Variants in TCTN2 observed in about 807,000 individuals in gnomAD.
The protein encoded by TCTN2 is tectonic-2.
TCTN2 carries 66 observed loss-of-function variants against 83.4 expected under a neutral mutation model. The ratio of observed to expected loss-of-function variants is 0.79; its 90% CI spans 0.65 to 0.97. The LOEUF is 0.97. TCTN2 is among the 50% of genes least tolerant of loss of function. TCTN2 has a pLI of 0.00. For synonymous variants in TCTN2, 301 were observed against 326.7 expected (o/e 0.92, Z 0.85); for missense variants, 794 against 858.1 (o/e 0.93, Z 0.93).
intron 9 of TCTN2, among the ~76,000 whole-genome samples, chr12:123,693,440 G>A (rs959936689): frequency 1.5e-4 from 18 of 117,334 alleles, no homozygotes; most frequent in African/African-American, 6.2e-4. Context: ...AATAAGTTAC[G>A]TAGAGTTTGG....
chr12:123,696,654 C>G (rs777103993), intron 12 of TCTN2, 159 bp downstream of exon 12: 8 of 715,912 alleles, frequency 1.1e-5, no homozygotes, highest in Non-Finnish European at 2.0e-5. Context: ...ATGGTTTTTC[C>G]TGCTTCTACA....
chr12:123,674,864 A>G (rs7133543), intron 4 of TCTN2, among the ~76,000 whole-genome samples: 54,332 of 151,882 alleles, frequency 0.36, 10,198 homozygotes, highest in African/African-American at 0.41. Flanking sequence ...TTTTTTTAAA[A>G]TTTATTTTTA....
At position 123,686,936 on chromosome 12, in the gene TCTN2, G is replaced by A. The variant is rs1197624849; in HGVS notation, c.665G>A (p.Gly222Glu). 2 of 1,614,058 alleles carry A rather than the reference G, an allele frequency of 1.2e-6. No individual in the cohort carries two copies. ...CCTTTTGATCAGCTCTGCTCTGCTG[G>A]GACGACGACACGTGGTGTCCCCGAT... ...NPPFDQLCSA[G>E]TTTRGVPDWF... The change falls in exon 6 of 18, where the codon GGG (glycine) becomes GAG (glutamate). Residue 222 changes from glycine (G) to glutamate (E), a missense_variant. Gly to Glu is a moderately conservative substitution (Grantham distance 98). Coordinates refer to ENST00000303372, the MANE Select transcript of TCTN2 (RefSeq NM_024809.5).
intron 1 of TCTN2, 43 bp downstream of exon 1, chr12:123,671,365 G>T: frequency 6.2e-7 from 1 of 1,607,576 alleles, no homozygotes; most frequent in South Asian, 1.1e-5. Context: ...CGGGGCTGAG[G>T]GGACTGGGCG....
At chr12:123,679,460 C>G (rs530283070) in intron 5 of TCTN2, among the ~76,000 whole-genome samples, 171 bp downstream of exon 5, 5 of 152,238 alleles carry the variant, frequency 3.3e-5, no homozygotes, top group Admixed American at 3.3e-4. Context: ...CTCCCGGGCT[C>G]AAGTGATTCT....
At chr12:123,677,653 T>C (rs1430423477) in intron 4 of TCTN2, among the ~76,000 whole-genome samples, 1 of 152,154 alleles carries the variant, frequency 6.6e-6, no homozygotes, top group East Asian at 1.9e-4. Context: ...CTTTTTAGCA[T>C]TTCTCCTGAG....
At position 123,707,941 on chromosome 12, in the gene TCTN2, C is replaced by T. The variant is rs1956251317; in HGVS notation, c.*228C>T. On this transcript the variant is annotated 3_prime_UTR_variant, in exon 18 of 18. Transcript: ENST00000303372. Reference sequence around the variant, plus strand: ...GCCAGGCTGCTCTCGAACTCCTGACCTCATGATCCGCCCATCTTGGCCTCC... The same window carrying T: ...GCCAGGCTGCTCTCGAACTCCTGACTTCATGATCCGCCCATCTTGGCCTCC... 1.9e-6 allele frequency: 1 copy of T among 536,148 alleles called. No homozygotes were observed. Among genetic ancestry groups the T allele is most frequent in the African/African-American group, 1.9e-5 (1 of 52,058 alleles). 33.2% of individuals were successfully genotyped at this position (536,148 alleles called of 1,614,324 possible). A position where few individuals can be genotyped will look rare whatever the true frequency, so the allele number is the denominator to read the frequency against.
chr12:123,691,354 G>A (rs1241356276), intron 8 of TCTN2, among the ~76,000 whole-genome samples: 3 of 152,210 alleles, frequency 2.0e-5, no homozygotes, highest in South Asian at 2.1e-4. Flanking sequence ...TTCTGTCTCC[G>A]TGGATTGCTT....
Position 123,704,662 on chromosome 12 carries a change from G to T in TCTN2, c.1743G>T (p.Gln581His), listed in dbSNP as rs761488428. 2.5e-6 allele frequency: 4 copies of T among 1,613,486 alleles called. No individual in the cohort carries two copies. The Admixed American group carries it at 6.7e-5, about 27-fold the overall frequency. Residue 581 changes from glutamine to histidine, a missense_variant, in exon 15 of 18, where the codon CAG becomes CAT. Physicochemically the swap from Gln to His is conservative, Grantham distance 24 (BLOSUM62 0). Coordinates refer to ENST00000303372, the MANE Select transcript of TCTN2 (RefSeq NM_024809.5). Reference sequence around the variant, plus strand: ...CTGGCGCGGTGGAAGGGATTACTCAGCAGGAGATACTCGGTGTAGAGACAA... The same window carrying T: ...CTGGCGCGGTGGAAGGGATTACTCATCAGGAGATACTCGGTGTAGAGACAA... ...SDAGAVEGITQQEILGVETRF... is the reference protein window; with the variant it reads ...SDAGAVEGITHQEILGVETRF...
chr12:123,682,927 C>T (rs1955917075), intron 5 of TCTN2, among the ~76,000 whole-genome samples: 1 of 152,056 alleles, frequency 6.6e-6, no homozygotes, highest in African/African-American at 2.4e-5. Flanking sequence ...GCGAAATACA[C>T]ATTTAAAATT....
At chr12:123,701,806 AG>A (rs1368799807) in intron 14 of TCTN2, among the ~76,000 whole-genome samples, 1 of 152,180 alleles carries the variant, frequency 6.6e-6, no homozygotes, top group Non-Finnish European at 1.5e-5. Flanking sequence ...CCAGATAGAA[AG>A]ACTTGACAGC....
Position 123,690,574 on chromosome 12 carries a change from ATTTC to A in TCTN2, c.936_939del (p.Leu313ThrfsTer25). 1 of 1,614,224 alleles carries A rather than the reference ATTTC, an allele frequency of 6.2e-7. No individual in the cohort carries two copies. Among genetic ancestry groups the A allele is most frequent in the Non-Finnish European group, 8.5e-7 (1 of 1,180,038 alleles). On this transcript the variant is annotated frameshift_variant, in exon 8 of 18. Coordinates refer to ENST00000303372, the MANE Select transcript of TCTN2 (RefSeq NM_024809.5). LOFTEE classifies it high-confidence loss of function. ...AGTGTATGCAGAACGCCCCAGTGGCATTTCTTCACAATTTTGATGTTAAATGCGT... is the reference window on the plus strand; with the variant it reads ...AGTGTATGCAGAACGCCCCAGTGGCATTCACAATTTTGATGTTAAATGCGT...
In TCTN2 at chr12:123,692,713, C is replaced by G. The variant is rs1195652671; in HGVS notation, c.1089C>G (p.Ile363Met). The G allele has an allele frequency of 6.2e-7, 1 of 1,612,448 alleles. No homozygotes were observed. Among genetic ancestry groups the G allele is most frequent in the Non-Finnish European group, 8.5e-7 (1 of 1,178,532 alleles). Residue 363 changes from isoleucine to methionine, a missense_variant, in exon 9 of 18, where the codon ATC (isoleucine) becomes ATG (methionine). Ile to Met is a conservative substitution (Grantham distance 10, BLOSUM62 1). Coordinates refer to ENST00000303372, the MANE Select transcript of TCTN2 (RefSeq NM_024809.5). ...YEEATDLDKF[I>M]TNTETPLNNG... The stretch of plus-strand genomic sequence containing the variant: ...AAGCAACTGACCTAGACAAATTCAT[C>G]ACCAATACAGGTATTTAATGTTACA...
chr12:123,678,011 C>T (rs936905005), intron 4 of TCTN2, among the ~76,000 whole-genome samples: 9 of 152,128 alleles, frequency 5.9e-5, no homozygotes, highest in South Asian at 2.1e-4. Flanking sequence ...GCCTAAGCCA[C>T]GTGCCCTCCC....
chr12:123,688,944 C>T (rs761585213), intron 7 of TCTN2, among the ~76,000 whole-genome samples: 10 of 151,582 alleles, frequency 6.6e-5, no homozygotes, highest in East Asian at 1.9e-4. Context: ...TTAGTAGAGA[C>T]GGGGTTTCTC....
chr12:123,704,629 C>G lies in TCTN2; in HGVS notation c.1710C>G (p.Ile570Met), dbSNP rs779396668. 2 of 1,613,414 alleles carry G rather than the reference C, an allele frequency of 1.2e-6. No individual in the cohort carries two copies. The highest frequency in any genetic ancestry group is 1.7e-4 in the Middle Eastern group (1 of 6,056). ...IPAHLSIRIL[I>M]SDAGAVEGIT... ...CTCACCTGAGCATCCGCATCCTCAT[C>G]TCGGATGCTGGCGCGGTGGAAGGGA... is the stretch of plus-strand genomic sequence containing the variant. The change falls in exon 15 of 18, where the codon ATC becomes ATG. Residue 570 changes from isoleucine to methionine, a missense_variant. Coordinates refer to ENST00000303372, the MANE Select transcript of TCTN2 (RefSeq NM_024809.5).
intron 14 of TCTN2, chr12:123,700,224 T>C (rs1392750618): frequency 5.8e-6 from 2 of 342,678 alleles, no homozygotes; most frequent in African/African-American, 4.3e-5. Context: ...TTGCCCAGGC[T>C]GGTCATTAAC....
intron 13 of TCTN2, among the ~76,000 whole-genome samples, chr12:123,697,468 G>C (rs1282150736): frequency 6.6e-6 from 1 of 152,110 alleles, no homozygotes; most frequent in Non-Finnish European, 1.5e-5. Flanking sequence ...GCCAAAGTTT[G>C]TTCAGCTCAT....
At chr12:123,707,447 G>A (rs1372904166) in intron 17 of TCTN2, among the ~76,000 whole-genome samples, 157 bp from the exon 18 acceptor site, 1 of 152,128 alleles carries the variant, frequency 6.6e-6, no homozygotes, top group Non-Finnish European at 1.5e-5. Context: ...CACTGTGCTG[G>A]CCAGGCTGGT....
Sources: gnomAD v4.1 joint callset for allele counts (sites outside exome capture counted in the v4.1 genomes callset) on GRCh38, gnomAD v4.1.1 for gene constraint, MANE v1.5 for transcripts, NCBI Gene and HGNC (gene_info 2026-07-23, HGNC 2026-07-21) for gene names.